PLXDC2: variants seen among roughly 807,000 people sequenced by gnomAD.
PLXDC2 encodes the protein plexin domain containing 2, also known as plexin domain-containing protein 2.
A neutral mutation model predicts 68.9 loss-of-function variants in PLXDC2; 40 were observed. The ratio of observed to expected loss-of-function variants is 0.58; its 90% CI spans 0.45 to 0.76. The LOEUF (loss-of-function observed/expected upper bound fraction) is 0.76, where lower values mean the gene tolerates loss of function less well. Ranked by LOEUF, PLXDC2 falls within the 30% of genes least tolerant of loss-of-function variation. PLXDC2 has a pLI of 0.00. For missense variants in PLXDC2, 644 were observed against 661.9 expected, an observed-to-expected ratio of 0.97 and a Z score of 0.30; for synonymous variants, 243 against 234.2, an observed-to-expected ratio of 1.04 and a Z score of -0.34.
chr10:20,130,951 G>A (rs140486916), intron 4 of PLXDC2, among the ~76,000 whole-genome samples: 165 of 152,162 alleles, frequency 1.1e-3, no homozygotes, highest in African/African-American at 3.5e-3. Flanking sequence ...TTATTGTAAC[G>A]TTTTCGTCTG....
intron 7 of PLXDC2, among the ~76,000 whole-genome samples, chr10:20,172,082 C>A (rs1305558324): frequency 6.6e-6 from 1 of 152,018 alleles, no homozygotes; most frequent in African/African-American, 2.4e-5. Context: ...GCACTGCTAC[C>A]CCTTACATTT....
chr10:19,847,599 G>A (rs193119383), intron 1 of PLXDC2, among the ~76,000 whole-genome samples: 61 of 152,256 alleles, frequency 4.0e-4, no homozygotes, highest in East Asian at 1.7e-3. Context: ...ACAAGCCTCC[G>A]GGAAATTCCA....
intron 1 of PLXDC2, among the ~76,000 whole-genome samples, chr10:19,997,369 C>T (rs563520400): frequency 6.6e-6 from 1 of 152,322 alleles, no homozygotes; most frequent in East Asian, 1.9e-4. Flanking sequence ...AATCTGCTTT[C>T]AGTGAACAAT....
At chr10:20,087,402 AT>A (rs1452297256) in intron 4 of PLXDC2, among the ~76,000 whole-genome samples, 1 of 151,540 alleles carries the variant, frequency 6.6e-6, no homozygotes, top group Non-Finnish European at 1.5e-5. Flanking sequence ...AATTAAAAAA[AT>A]TTGCCAAGTT....
At chr10:19,884,416 A>G (rs531904458) in intron 1 of PLXDC2, among the ~76,000 whole-genome samples, 21 of 152,152 alleles carry the variant, frequency 1.4e-4, no homozygotes, top group East Asian at 3.9e-4. Context: ...GGTTAGTTAC[A>G]TATGTATACA....
chr10:20,210,999 A>G (rs929341274), intron 9 of PLXDC2, among the ~76,000 whole-genome samples: 1 of 152,132 alleles, frequency 6.6e-6, no homozygotes. Flanking sequence ...GGTCCCAAGT[A>G]AATGAAGTCA....
chr10:19,885,830 G>A (rs766338209), intron 1 of PLXDC2, among the ~76,000 whole-genome samples: 5 of 152,170 alleles, frequency 3.3e-5, no homozygotes, highest in African/African-American at 4.8e-5. Flanking sequence ...TTGACTTGGC[G>A]ATGCAGGCTC....
chr10:19,892,355 G>A (rs1305015581), intron 1 of PLXDC2, among the ~76,000 whole-genome samples: 2 of 152,056 alleles, frequency 1.3e-5, no homozygotes, highest in Non-Finnish European at 2.9e-5. Context: ...GTTGACTTGG[G>A]ATTCAAACCC....
At chr10:19,948,798 A>G (rs1833946815) in intron 1 of PLXDC2, among the ~76,000 whole-genome samples, 2 of 152,002 alleles carry the variant, frequency 1.3e-5, no homozygotes, top group African/African-American at 4.8e-5. Context: ...TGCCCATATT[A>G]TGTTTCATTA....
At chr10:20,065,641 C>T (rs1836194736) in intron 3 of PLXDC2, among the ~76,000 whole-genome samples, 1 of 152,118 alleles carries the variant, frequency 6.6e-6, no homozygotes, top group African/African-American at 2.4e-5. Context: ...GCTTGTTTTC[C>T]TGTAACTAGA....
chr10:20,023,201 A>C (rs770240147), intron 2 of PLXDC2, among the ~76,000 whole-genome samples: 6 of 151,572 alleles, frequency 4.0e-5, no homozygotes. Context: ...AGCATTAAAA[A>C]GAAATAAAAC....
In PLXDC2 at chr10:20,288,537, G is replaced by C. The variant is rs1263874627; in HGVS notation, c.*8718G>C. The C allele has an allele frequency of 6.6e-6, 1 of 151,942 alleles. No homozygotes were observed. Among genetic ancestry groups the C allele is most frequent in the African/African-American group, 2.4e-5 (1 of 41,350 alleles). The allele number at this position is 151,942 out of a possible 1,614,324, so 9.4% of individuals were successfully genotyped here. A position where few individuals can be genotyped will look rare whatever the true frequency, so the allele number is the denominator to read the frequency against. ...AGTGTGACCTCTATTGGAAACCTTT[G>C]TTCAAATTCAATAATTCAGAGATGC... On this transcript the variant is annotated 3_prime_UTR_variant, in exon 14 of 14. Coordinates refer to ENST00000377252, the MANE Select transcript of PLXDC2 (RefSeq NM_032812.9).
intron 13 of PLXDC2, among the ~76,000 whole-genome samples, chr10:20,261,096 C>T (rs1835803707): frequency 6.6e-6 from 1 of 152,016 alleles, no homozygotes; most frequent in African/African-American, 2.4e-5. Context: ...AGCTACTAAC[C>T]CCTTACTCAG....
At chr10:20,042,289 T>G (rs1835696345) in intron 2 of PLXDC2, among the ~76,000 whole-genome samples, 1 of 152,186 alleles carries the variant, frequency 6.6e-6, no homozygotes, top group South Asian at 2.1e-4. Context: ...GGGAACTCTT[T>G]TATTAACTCT....
chr10:19,971,991 T>A (rs1004328152), intron 1 of PLXDC2, among the ~76,000 whole-genome samples: 2 of 151,920 alleles, frequency 1.3e-5, no homozygotes, highest in Non-Finnish European at 2.9e-5. Context: ...GTGGCATGCG[T>A]TGTGCATAGA....
At chr10:19,989,957 A>C (rs1036616917) in intron 1 of PLXDC2, among the ~76,000 whole-genome samples, 5 of 151,830 alleles carry the variant, frequency 3.3e-5, no homozygotes, top group Non-Finnish European at 7.4e-5. Flanking sequence ...GCCATGTTGG[A>C]CAGGCTGTTC....
intron 3 of PLXDC2, among the ~76,000 whole-genome samples, chr10:20,059,913 A>G (rs1289503088): frequency 1.3e-5 from 2 of 152,218 alleles, no homozygotes; most frequent in African/African-American, 4.8e-5. Flanking sequence ...GAAGTTCTCA[A>G]TGCTCTTATT....
At chr10:19,847,548 G>T (rs868597379) in intron 1 of PLXDC2, among the ~76,000 whole-genome samples, 1 of 152,174 alleles carries the variant, frequency 6.6e-6, no homozygotes, top group Non-Finnish European at 1.5e-5. Flanking sequence ...GATTTGCTAA[G>T]TCACAAACTC....
At chr10:20,184,015 C>T (rs1834645258) in intron 9 of PLXDC2, among the ~76,000 whole-genome samples, 1 of 149,726 alleles carries the variant, frequency 6.7e-6, no homozygotes, top group Non-Finnish European at 1.5e-5. Flanking sequence ...TCCATGATTC[C>T]ATCCATTAAA....
Sources: gnomAD v4.1 joint callset for allele counts (sites outside exome capture counted in the v4.1 genomes callset) on GRCh38, gnomAD v4.1.1 for gene constraint, MANE v1.5 for transcripts, NCBI Gene and HGNC (gene_info 2026-07-23, HGNC 2026-07-21) for gene names.